Variants in ABCA12 observed in about 807,000 individuals in gnomAD.
ABCA12 encodes glucosylceramide transporter ABCA12.
A neutral mutation model predicts 293.5 loss-of-function variants in ABCA12; 156 were observed. The observed-to-expected ratio is 0.53, with a 90% CI of 0.47 to 0.61. The LOEUF (loss-of-function observed/expected upper bound fraction) is 0.61. ABCA12 is among the 20% of genes least tolerant of loss of function. The pLI, the probability that ABCA12 is intolerant of heterozygous loss-of-function variation, is 0.00. For synonymous variants in ABCA12, 1,063 were observed against 1,108.0 expected (o/e 0.96, Z 0.81); for missense variants, 2,797 against 3,090.2 (o/e 0.91, Z 2.25).
rs146988127 is a variant in ABCA12 at position 214,993,582 on chromosome 2, G to T, written c.3295-2551C>A. 5.9e-3 allele frequency among the ~76,000 whole-genome samples: 899 copies of T among 152,218 alleles called. 10 individuals carry two copies. Among genetic ancestry groups the T allele is most frequent in the African/African-American group, 0.02 (846 of 41,530 alleles). On this transcript the variant is annotated intron_variant, in intron 23 of 52. Coordinates refer to ENST00000272895, the MANE Select transcript of ABCA12 (RefSeq NM_173076.3). ...TTTATGCCTATTTGAATATAATTAA[G>T]TGGGGAGTTATGGAACCTATATTAC... is the stretch of plus-strand genomic sequence containing the variant.
At chr2:215,131,214 G>A (rs1414858405) in intron 1 of ABCA12, among the ~76,000 whole-genome samples, 10 of 151,886 alleles carry the variant, frequency 6.6e-5, no homozygotes. Flanking sequence ...GTCCTTGCCT[G>A]ATTTTGATAA....
At chr2:215,091,395 G>A (rs1249300443) in intron 2 of ABCA12, among the ~76,000 whole-genome samples, 1 of 152,158 alleles carries the variant, frequency 6.6e-6, no homozygotes. Flanking sequence ...TTAGAGAGGT[G>A]GCTGGAGCTG....
chr2:215,065,111 T>C (rs1037973128), intron 2 of ABCA12, among the ~76,000 whole-genome samples: 1 of 151,782 alleles, frequency 6.6e-6, no homozygotes, highest in African/African-American at 2.4e-5. Context: ...TAAAATACGA[T>C]GATGGCATAC....
intron 3 of ABCA12, among the ~76,000 whole-genome samples, chr2:215,061,812 G>T (rs1701533666): frequency 6.6e-6 from 1 of 151,840 alleles, no homozygotes; most frequent in Non-Finnish European, 1.5e-5. Context: ...AATACACCTG[G>T]GCTTTAATCC....
intron 9 of ABCA12, 96 bp downstream of exon 9, chr2:215,031,725 G>T: frequency 6.8e-7 from 1 of 1,460,758 alleles, no homozygotes; most frequent in Non-Finnish European, 9.5e-7. Context: ...TCTATTCCAT[G>T]CTTATATACA....
intron 2 of ABCA12, among the ~76,000 whole-genome samples, chr2:215,090,747 A>G (rs4490180): frequency 0.056 from 8,516 of 152,124 alleles, 758 homozygotes; most frequent in African/African-American, 0.19. Context: ...CCCCTGGGTG[A>G]CAAGTACCCA....
intron 26 of ABCA12, 119 bp downstream of exon 26, chr2:214,989,210 A>ATATATATATATATATATAC (rs60341150): frequency 6.7e-6 from 1 of 148,418 alleles, no homozygotes; most frequent in African/African-American, 2.9e-5. Context: ...ATATATATAT[A>ATATATATATATATATATAC]ATATTTTTAT....
At chr2:215,129,169 T>C (rs1702995795) in intron 1 of ABCA12, among the ~76,000 whole-genome samples, 1 of 152,226 alleles carries the variant, frequency 6.6e-6, no homozygotes. Flanking sequence ...CTCTCAGCCA[T>C]GGATACCAGT....
chr2:215,096,648 T>C (rs1329659769), intron 2 of ABCA12, among the ~76,000 whole-genome samples: 1 of 152,234 alleles, frequency 6.6e-6, no homozygotes, highest in Non-Finnish European at 1.5e-5. Flanking sequence ...TTCTCCATTT[T>C]TGTTTCTCCA....
rs866414531 is a variant in ABCA12 at position 214,931,758 on chromosome 2, C to T, written c.*876G>A. The stretch of plus-strand genomic sequence containing the variant: ...ATTAGCTGAAAATTATCTTCATATT[C>T]GTTTTCCCTCCACAGGAATGTTTCC... On this transcript the variant is annotated 3_prime_UTR_variant, in exon 53 of 53. Coordinates refer to ENST00000272895, the MANE Select transcript of ABCA12 (RefSeq NM_173076.3). 6.6e-6 allele frequency: 1 copy of T among 152,562 alleles called. No individual in the cohort carries two copies. The highest frequency in any genetic ancestry group is 6.5e-5 in the Admixed American group (1 of 15,270). 9.5% of individuals were successfully genotyped at this position (152,562 alleles called of 1,614,324 possible).
intron 44 of ABCA12, among the ~76,000 whole-genome samples, chr2:214,951,813 G>T (rs1399339951): frequency 6.6e-6 from 1 of 152,038 alleles, no homozygotes; most frequent in East Asian, 1.9e-4. Flanking sequence ...TTTAATTTTA[G>T]AAACAGCATA....
At chr2:215,130,681 A>G (rs1703034453) in intron 1 of ABCA12, among the ~76,000 whole-genome samples, 1 of 152,116 alleles carries the variant, frequency 6.6e-6, no homozygotes, top group East Asian at 1.9e-4. Context: ...TGTTCATCTC[A>G]TTGAACAGAG....
intron 2 of ABCA12, among the ~76,000 whole-genome samples, chr2:215,109,991 A>G (rs911450290): frequency 6.6e-6 from 1 of 152,238 alleles, no homozygotes; most frequent in Non-Finnish European, 1.5e-5. Context: ...CCTGAAGCCC[A>G]TGCTACTTAA....
At position 215,052,544 on chromosome 2, in the gene ABCA12, G is replaced by A. The variant is rs375241096; in HGVS notation, c.450C>T (p.Pro150=). The A allele has an allele frequency of 4.0e-5, 65 of 1,612,438 alleles. No homozygotes were observed. Among genetic ancestry groups the A allele is most frequent in the Admixed American group, 1.7e-4 (10 of 59,908 alleles). The part of the protein sequence containing the change: ...FPSPSSDLEI[P]GTYTFNGSQV... ...GACTGCCATTGAAAGTATATGTTCC[G>A]GGGATTTCCAAATCAGAACTTGGAC... Residue 150 remains proline, a synonymous_variant, in exon 5 of 53, where the codon CCC becomes CCT. Transcript: ENST00000272895.
At chr2:215,001,827 A>G in intron 20 of ABCA12, 90 bp from the exon 21 acceptor site, 2 of 1,117,878 alleles carry the variant, frequency 1.8e-6, no homozygotes, top group Non-Finnish European at 2.6e-6. Flanking sequence ...GTAAATACTA[A>G]ACTAGATTAT....
intron 20 of ABCA12, among the ~76,000 whole-genome samples, chr2:215,003,861 C>CTTCA (rs1700196868): frequency 6.6e-6 from 1 of 151,888 alleles, no homozygotes; most frequent in South Asian, 2.1e-4. Context: ...AGAGATAGGG[C>CTTCA]TTCACCATGT....
chr2:215,102,866 G>C (rs1287922523), intron 2 of ABCA12, among the ~76,000 whole-genome samples: 1 of 152,154 alleles, frequency 6.6e-6, no homozygotes, highest in Non-Finnish European at 1.5e-5. Context: ...TAAGGAAAAA[G>C]AAAAGTTGGT....
At chr2:215,039,853 T>C (rs916051301) in intron 7 of ABCA12, among the ~76,000 whole-genome samples, 1 of 152,082 alleles carries the variant, frequency 6.6e-6, no homozygotes, top group Non-Finnish European at 1.5e-5. Flanking sequence ...AATATTAGCA[T>C]TTCAATATTT....
At chr2:215,124,579 T>C (rs1043588806) in intron 1 of ABCA12, among the ~76,000 whole-genome samples, 3 of 152,206 alleles carry the variant, frequency 2.0e-5, no homozygotes, top group Admixed American at 6.5e-5. Context: ...TTTTCATATG[T>C]TTGTTGGCCA....
Sources: allele counts gnomAD v4.1 joint callset (sites outside exome capture counted in the v4.1 genomes callset), GRCh38; gene constraint gnomAD v4.1.1; transcripts MANE v1.5; gene names NCBI Gene and HGNC (gene_info 2026-07-23, HGNC 2026-07-21).